PLD3: variants seen among roughly 807,000 people sequenced by gnomAD.
The protein encoded by PLD3 is 5'-3' exonuclease PLD3.
In PLD3, 31 loss-of-function variants were observed where a neutral mutation model predicts 58.4. The ratio of observed to expected loss-of-function variants is 0.53; its 90% CI spans 0.40 to 0.72. PLD3 has a LOEUF of 0.72. Among genes scored for constraint, PLD3 ranks in the 30% least tolerant of loss-of-function variants. The pLI, the probability that PLD3 is intolerant of heterozygous loss-of-function variation, is 0.00. For synonymous variants in PLD3, 264 were observed against 273.4 expected, an observed-to-expected ratio of 0.97 and a Z score of 0.34; for missense variants, 595 against 659.8, an observed-to-expected ratio of 0.90 and a Z score of 1.08.
At position 40,371,813 on chromosome 19, in the gene PLD3, C is replaced by T. The variant is rs1016226181; in HGVS notation, c.819C>T (p.Tyr273=). Residue 273 remains tyrosine (Y), a synonymous_variant, in exon 9 of 13, where the codon TAC becomes TAT. Coordinates refer to ENST00000409735, the MANE Select transcript of PLD3 (RefSeq NM_012268.4). ...STWPRFYDTR[Y]NQETPMEICL... is the part of the protein sequence containing the mutation. The stretch of plus-strand genomic sequence containing the variant: ...GGCCCCGGTTCTATGACACCCGCTA[C>T]AACCAAGAGACACCAATGGAGATCT... 6.2e-6 allele frequency: 10 copies of T among 1,614,028 alleles called. No homozygotes were observed. Among genetic ancestry groups the T allele is most frequent in the Non-Finnish European group, 8.5e-6 (10 of 1,180,016 alleles).
At chr19:40,376,301 G>T (rs967030575) in intron 10 of PLD3, 14 of 292,276 alleles carry the variant, frequency 4.8e-5, no homozygotes, top group Admixed American at 9.8e-5. Context: ...GTTGCAGTGA[G>T]CCGAGATTGT....
At chr19:40,361,261 G>A (rs942539096) in intron 1 of PLD3, among the ~76,000 whole-genome samples, 3 of 152,152 alleles carry the variant, frequency 2.0e-5, no homozygotes, top group African/African-American at 7.2e-5. Flanking sequence ...ACAGGCATGT[G>A]CCACCATGCC....
intron 9 of PLD3, among the ~76,000 whole-genome samples, chr19:40,373,973 CAG>C (rs2079128813): frequency 7.8e-6 from 1 of 128,580 alleles, no homozygotes; most frequent in Non-Finnish European, 1.6e-5. Context: ...GCCTAGGAGA[CAG>C]AGCAAGACTC....
intron 10 of PLD3, among the ~76,000 whole-genome samples, chr19:40,375,989 G>C (rs1188917530): frequency 6.6e-6 from 1 of 152,088 alleles, no homozygotes; most frequent in Non-Finnish European, 1.5e-5. Context: ...GGAGTTGGAG[G>C]CTGCATTGAG....
rs149060461 is a variant in PLD3, at chr19:40,351,611, C to T, written c.-279+2843C>T. Among the ~76,000 whole-genome samples the T allele has an allele frequency of 2.8e-3, 433 of 152,192 alleles. 1 individual carries two copies. The highest frequency in any genetic ancestry group is 5.3e-3 in the Non-Finnish European group (361 of 68,012). ...GGAACAGCATGCTGGGCAAAGAGAA[C>T]AGCAAAAGCAAAAGTCTTGCGGTAG... On this transcript the variant is annotated intron_variant, in intron 1 of 12. Transcript: ENST00000409735.
In PLD3 at chr19:40,351,459, C is replaced by A. The variant is rs144946221; in HGVS notation, c.-279+2691C>A. Among the ~76,000 whole-genome samples, 442 of 152,038 alleles carry A rather than the reference C, an allele frequency of 2.9e-3. 4 individuals are homozygous for A. The highest frequency in any genetic ancestry group is 9.9e-3 in the African/African-American group (412 of 41,464). ...ATTCAGGAGGCTGAGGCAGGAGAAT[C>A]GCTTGAACCAGGGAGGCGGAGGTTG... is the stretch of plus-strand genomic sequence containing the variant. On this transcript the variant is annotated intron_variant, in intron 1 of 12. Transcript: ENST00000409735.
chr19:40,376,267 A>C (rs1240077667), intron 10 of PLD3: 8 of 214,202 alleles, frequency 3.7e-5, no homozygotes, highest in Non-Finnish European at 6.5e-5. Flanking sequence ...AGGCAGGAGA[A>C]TCGCTTGAAC....
At chr19:40,373,981 G>A (rs960078251) in intron 9 of PLD3, among the ~76,000 whole-genome samples, 29 of 128,890 alleles carry the variant, frequency 2.2e-4, no homozygotes, top group Non-Finnish European at 1.6e-5. Context: ...GACAGAGCAA[G>A]ACTCCATCTC....
Position 40,365,927 on chromosome 19 carries a change from A to AG in PLD3, c.-66+1dup, listed in dbSNP as rs2078910032. On this transcript the variant is annotated 5_prime_UTR_variant, in exon 2 of 13. Transcript: ENST00000409735. ...CCTGAGAGCGAGGCCGAGGCCCCTC[A>AG]GGGGTAGGTGGGGGGAGGCTGGCTG... The AG allele has an allele frequency of 6.4e-6, 1 of 156,312 alleles. No homozygotes were observed. Among genetic ancestry groups the AG allele is most frequent in the Admixed American group, 6.3e-5 (1 of 15,858 alleles). The allele number at this position is 156,312 out of a possible 1,614,324, so 9.7% of individuals were successfully genotyped here.
At chr19:40,376,363 A>AG (rs1555797413) in intron 10 of PLD3, 3 of 382,138 alleles carry the variant, frequency 7.9e-6, no homozygotes, top group African/African-American at 6.2e-5. Flanking sequence ...CTCAAAAAAA[A>AG]AAAGAAAGAA....
At position 40,366,173 on chromosome 19, in the gene PLD3, G is replaced by A. The variant is rs570633052; in HGVS notation, c.-66+243G>A. ...GAGGGAGAAGGGGGCTGCTAGAGGG[G>A]AGCTGCGTGGGTGCTGATGGGGGCA... On this transcript the variant is annotated intron_variant, in intron 2 of 12. Coordinates refer to ENST00000409735, the MANE Select transcript of PLD3 (RefSeq NM_012268.4). 5.0e-5 allele frequency: 24 copies of A among 481,720 alleles called. No homozygotes were observed. In the South Asian group the frequency reaches 5.2e-4, roughly 10 times the overall value. 29.8% of individuals were successfully genotyped at this position (481,720 alleles called of 1,614,324 possible). A position where few individuals can be genotyped will look rare whatever the true frequency, so the allele number is the denominator to read the frequency against.
intron 9 of PLD3, among the ~76,000 whole-genome samples, chr19:40,373,991 CAAAA>C (rs750537190): frequency 2.3e-5 from 1 of 43,578 alleles, no homozygotes; most frequent in South Asian, 7.1e-4. Context: ...GACTCCATCT[CAAAA>C]AAAAAAAAAA....
At chr19:40,351,876 G>C (rs552500949) in intron 1 of PLD3, among the ~76,000 whole-genome samples, 2 of 152,314 alleles carry the variant, frequency 1.3e-5, no homozygotes, top group South Asian at 4.1e-4. Flanking sequence ...CTTCTACCCA[G>C]GATCGACTAG....
rs1251969171 is a variant in PLD3, at chr19:40,378,044, G to A, written c.1344G>A (p.Val448=). ...FTETAGTSLL[V]TQNGRGGLRS... Reference sequence around the variant, plus strand: ...AGACGGCGGGCACCTCGCTGCTGGTGACGCAGAATGGGAGGGGCGGCCTGC... The same window carrying A: ...AGACGGCGGGCACCTCGCTGCTGGTAACGCAGAATGGGAGGGGCGGCCTGC... The change falls in exon 13 of 13, where the codon GTG becomes GTA. Residue 448 remains valine (V), a synonymous_variant. Coordinates refer to ENST00000409735, the MANE Select transcript of PLD3 (RefSeq NM_012268.4). The A allele has an allele frequency of 7.4e-6, 12 of 1,613,828 alleles. No individual in the cohort carries two copies. Among genetic ancestry groups the A allele is most frequent in the Non-Finnish European group, 9.3e-6 (11 of 1,179,892 alleles).
intron 11 of PLD3, 50 bp downstream of exon 11, chr19:40,376,824 G>T: frequency 6.5e-7 from 1 of 1,535,864 alleles, no homozygotes; most frequent in Non-Finnish European, 8.8e-7. Flanking sequence ...GGCAGTCCTA[G>T]GGACACAGCC....
Position 40,348,740 on chromosome 19 carries a change from G to C in PLD3, c.-307G>C. ...AGCCTGGAAGGTGCGTGTGGGGCTG[G>C]GTCTCGGAGTGGGAGACGTGGAGTG... is the stretch of plus-strand genomic sequence containing the variant. On this transcript the variant is annotated 5_prime_UTR_variant, in exon 1 of 13. Coordinates refer to ENST00000409735, the MANE Select transcript of PLD3 (RefSeq NM_012268.4). 2.0e-6 allele frequency: 1 copy of C among 489,098 alleles called. No individual in the cohort carries two copies. The highest frequency in any genetic ancestry group is 3.8e-5 in the East Asian group (1 of 26,598). The allele number at this position is 489,098 out of a possible 1,614,324, so 30.3% of individuals were successfully genotyped here.
At chr19:40,376,839 T>C (rs2079217555) in intron 11 of PLD3, 65 bp downstream of exon 11, 5 of 1,455,292 alleles carry the variant, frequency 3.4e-6, no homozygotes, top group Middle Eastern at 1.8e-4. Context: ...ACAGCCCTCA[T>C]GGGACTCGTC....
intron 7 of PLD3, 31 bp downstream of exon 7, chr19:40,370,059 G>C: frequency 6.3e-7 from 1 of 1,575,958 alleles, no homozygotes; most frequent in Non-Finnish European, 8.6e-7. Flanking sequence ...GGCTGGTCTG[G>C]GCCTGGGGGT....
intron 10 of PLD3, 188 bp downstream of exon 10, chr19:40,374,808 G>A (rs1292964296): frequency 3.3e-6 from 2 of 609,064 alleles, no homozygotes; most frequent in South Asian, 2.0e-5. Context: ...GAGAAAGAGA[G>A]ATTACAGAGG....
Sources: gnomAD v4.1 joint callset for allele counts (sites outside exome capture counted in the v4.1 genomes callset) on GRCh38, gnomAD v4.1.1 for gene constraint, MANE v1.5 for transcripts, NCBI Gene and HGNC (gene_info 2026-07-23, HGNC 2026-07-21) for gene names.